LPAR3: variants seen among roughly 807,000 people sequenced by gnomAD.
LPAR3 encodes the protein LPA receptor 3.
A neutral mutation model predicts 17.8 loss-of-function variants in LPAR3; 7 were observed. The ratio of observed to expected loss-of-function variants is 0.39; its 90% CI spans 0.22 to 0.74. The LOEUF is 0.74. LPAR3 is among the 30% of genes least tolerant of loss of function. The pLI, the probability that LPAR3 is intolerant of heterozygous loss-of-function variation, is 0.40. For missense variants in LPAR3, 391 were observed against 453.4 expected (o/e 0.86, Z 1.25); for synonymous variants, 179 against 179.9 (o/e 0.99, Z 0.04).
At chr1:84,876,249 G>A (rs533901833) in intron 1 of LPAR3, among the ~76,000 whole-genome samples, 12 of 152,240 alleles carry the variant, frequency 7.9e-5, no homozygotes, top group Admixed American at 6.5e-4. Flanking sequence ...AGGTAGCCAG[G>A]TCGTGTAAAT....
chr1:84,865,761 C>G lies in LPAR3; in HGVS notation c.360G>C (p.Leu120Phe), dbSNP rs1660032718. The change falls in exon 2 of 3, where the codon TTG becomes TTC. Residue 120 changes from leucine to phenylalanine, a missense_variant. Leu to Phe is a conservative substitution (Grantham distance 22, BLOSUM62 0). Transcript: ENST00000370611. ...DSSLTASLTN[L>F]LVIAVERHMS... Reference sequence around the variant, plus strand: ...TGTGCCTCTCCACGGCGATAACCAGCAAGTTGGTGAGGGAAGCAGTCAAGC... The same window carrying G: ...TGTGCCTCTCCACGGCGATAACCAGGAAGTTGGTGAGGGAAGCAGTCAAGC... 2.5e-6 allele frequency: 4 copies of G among 1,614,206 alleles called. No homozygotes were observed. In the East Asian group the frequency reaches 8.9e-5, roughly 36 times the overall value.
At chr1:84,834,334 A>G (rs1253262865) in intron 2 of LPAR3, among the ~76,000 whole-genome samples, 1 of 152,200 alleles carries the variant, frequency 6.6e-6, no homozygotes, top group Non-Finnish European at 1.5e-5. Flanking sequence ...AGATACAGGT[A>G]GCTATTTCCC....
chr1:84,838,454 T>C (rs537654090), intron 2 of LPAR3, among the ~76,000 whole-genome samples: 179 of 152,260 alleles, frequency 1.2e-3, no homozygotes, highest in African/African-American at 4.1e-3. Flanking sequence ...GGATAGAAAT[T>C]TGGGTGTCAT....
chr1:84,814,496 C>T (rs1341863839), intron 2 of LPAR3, among the ~76,000 whole-genome samples: 1 of 152,186 alleles, frequency 6.6e-6, no homozygotes, highest in African/African-American at 2.4e-5. Flanking sequence ...CTCTGAACCA[C>T]ACTGGGAGGC....
At chr1:84,863,013 G>A (rs1202793007) in intron 2 of LPAR3, among the ~76,000 whole-genome samples, 3 of 151,386 alleles carry the variant, frequency 2.0e-5, no homozygotes, top group South Asian at 4.2e-4. Context: ...AAAATTCTAC[G>A]AAACCACATG....
intron 2 of LPAR3, among the ~76,000 whole-genome samples, chr1:84,836,998 A>G (rs1031365603): frequency 2.7e-5 from 4 of 150,738 alleles, no homozygotes; most frequent in African/African-American, 9.8e-5. Flanking sequence ...TAATTCTATC[A>G]CTAAAGGAAA....
chr1:84,889,566 T>C (rs562077440), intron 1 of LPAR3, among the ~76,000 whole-genome samples: 10 of 152,336 alleles, frequency 6.6e-5, no homozygotes, highest in Middle Eastern at 3.4e-3. Context: ...CATGTAGTGT[T>C]GGGTAACCTC....
intron 1 of LPAR3, among the ~76,000 whole-genome samples, chr1:84,878,677 A>T (rs181814591): frequency 1.3e-5 from 2 of 152,312 alleles, no homozygotes; most frequent in East Asian, 3.9e-4. Context: ...GGCCACCATA[A>T]GGAAAAAAGT....
intron 1 of LPAR3, among the ~76,000 whole-genome samples, chr1:84,876,056 A>G (rs146854162): frequency 8.5e-5 from 13 of 152,272 alleles, no homozygotes; most frequent in Non-Finnish European, 1.9e-4. Context: ...TATTCTAATC[A>G]AGGCTTCAAA....
chr1:84,819,768 TG>T (rs1196244239), intron 2 of LPAR3, among the ~76,000 whole-genome samples: 1 of 152,232 alleles, frequency 6.6e-6, no homozygotes, highest in Non-Finnish European at 1.5e-5. Context: ...TGCTGCTCTT[TG>T]GCTCGCCGTG....
At chr1:84,860,558 G>A (rs947353878) in intron 2 of LPAR3, among the ~76,000 whole-genome samples, 1 of 151,838 alleles carries the variant, frequency 6.6e-6, no homozygotes, top group Non-Finnish European at 1.5e-5. Context: ...TTAAGAAGCC[G>A]TCTCCACACT....
chr1:84,847,664 G>T (rs12083676), intron 2 of LPAR3, among the ~76,000 whole-genome samples: 4,490 of 152,194 alleles, frequency 0.03, 228 homozygotes, highest in African/African-American at 0.099. Context: ...GGGTCTCCAG[G>T]GTAGCCTGAA....
At chr1:84,890,221 C>T (rs1186396060) in intron 1 of LPAR3, among the ~76,000 whole-genome samples, 8 of 141,052 alleles carry the variant, frequency 5.7e-5, no homozygotes, top group Non-Finnish European at 1.1e-4. Flanking sequence ...GGAGGAATGA[C>T]GAAGGGAGGA....
At chr1:84,873,864 T>C (rs1570900761) in intron 1 of LPAR3, among the ~76,000 whole-genome samples, 2 of 151,996 alleles carry the variant, frequency 1.3e-5, no homozygotes, top group Non-Finnish European at 1.5e-5. Context: ...GTGATTCTCC[T>C]GCTTCAGCCT....
At chr1:84,850,859 C>T (rs758105148) in intron 2 of LPAR3, among the ~76,000 whole-genome samples, 3 of 152,146 alleles carry the variant, frequency 2.0e-5, no homozygotes, top group African/African-American at 7.2e-5. Context: ...TGACATAGAA[C>T]GAGTTCTTGT....
intron 2 of LPAR3, among the ~76,000 whole-genome samples, chr1:84,819,806 C>A (rs181781176): frequency 6.6e-6 from 1 of 152,290 alleles, no homozygotes; most frequent in East Asian, 1.9e-4. Context: ...ACCTCCTAAT[C>A]TGAGGTCTGC....
intron 1 of LPAR3, among the ~76,000 whole-genome samples, chr1:84,883,236 A>C (rs1660396504): frequency 6.6e-6 from 1 of 152,212 alleles, no homozygotes; most frequent in Non-Finnish European, 1.5e-5. Context: ...TGTTCCCAAA[A>C]GGCTGGGGAA....
intron 2 of LPAR3, among the ~76,000 whole-genome samples, chr1:84,840,534 A>G (rs2102754308): frequency 6.6e-6 from 1 of 152,362 alleles, no homozygotes; most frequent in Non-Finnish European, 1.5e-5. Context: ...CAGAAGTATC[A>G]GTCAGAGCCC....
At chr1:84,861,467 A>G (rs145994212) in intron 2 of LPAR3, among the ~76,000 whole-genome samples, 28 of 152,258 alleles carry the variant, frequency 1.8e-4, no homozygotes, top group Admixed American at 5.2e-4. Context: ...ACCTTTGGTT[A>G]CTAACTGTCA....
Sources: gnomAD v4.1 joint callset for allele counts (sites outside exome capture counted in the v4.1 genomes callset) on GRCh38, gnomAD v4.1.1 for gene constraint, MANE v1.5 for transcripts, NCBI Gene and HGNC (gene_info 2026-07-23, HGNC 2026-07-21) for gene names.